Variants in ZNF611 observed in about 807,000 individuals in gnomAD.
ZNF611 encodes the protein zinc finger protein 611.
ZNF611 carries 6 observed loss-of-function variants against 8.9 expected under a neutral mutation model. The ratio of observed to expected loss-of-function variants is 0.68; its 90% CI spans 0.37 to 1.34. The LOEUF is 1.34. Among genes scored for constraint, ZNF611 ranks in the 40% most tolerant of loss-of-function variants. The pLI is 0.02. For synonymous variants in ZNF611, 262 were observed against 279.7 expected, an observed-to-expected ratio of 0.94 and a Z score of 0.63; for missense variants, 874 against 841.3, an observed-to-expected ratio of 1.04 and a Z score of -0.48.
Position 52,728,717 on chromosome 19 carries a change from G to A in ZNF611, c.-20+13C>T, listed in dbSNP as rs9749577. 1.3e-5 allele frequency: 2 copies of A among 152,734 alleles called. No homozygotes were observed. The highest frequency in any genetic ancestry group is 4.8e-5 in the African/African-American group (2 of 41,404). 9.5% of individuals were successfully genotyped at this position (152,734 alleles called of 1,614,324 possible). On this transcript the variant is annotated intron_variant, in intron 3 of 5. Coordinates refer to ENST00000652185, the MANE Select transcript of ZNF611 (RefSeq NM_001161499.2). The stretch of plus-strand genomic sequence containing the variant: ...CTTCCTTGTCTGTTTGAGATAGGGT[G>A]TAGCTCACTCACCCAAGCTGGAGTG...
chr19:52,706,036 T>C lies in ZNF611; in HGVS notation c.1019A>G (p.Glu340Gly), dbSNP rs4087790. ...LLIDKAIDTGENPYKCNECDK... is the reference protein window; with the variant it reads ...LLIDKAIDTGGNPYKCNECDK... ...ACATTCATTACACTTGTAAGGATTT[T>C]CTCCAGTATCAATTGCCTTATCAAT... Residue 340 changes from glutamate to glycine, a missense_variant, in exon 6 of 6, where the codon GAA (glutamate) becomes GGA (glycine). Physicochemically the swap from Glu to Gly is moderately conservative, Grantham distance 98 (BLOSUM62 -2). Coordinates refer to ENST00000652185, the MANE Select transcript of ZNF611 (RefSeq NM_001161499.2). 1,472 of 1,614,162 alleles carry C rather than the reference T, an allele frequency of 9.1e-4. 14 individuals carry two copies. The African/African-American group carries it at 0.017, about 19-fold the overall frequency.
intron 5 of ZNF611, among the ~76,000 whole-genome samples, chr19:52,709,585 G>A (rs935743855): frequency 3.4e-5 from 5 of 145,070 alleles, no homozygotes; most frequent in African/African-American, 1.0e-4. Flanking sequence ...ATTTATTTTT[G>A]AGACAGAATT....
chr19:52,731,561 G>A (rs912319800), intron 1 of ZNF611, among the ~76,000 whole-genome samples: 1 of 151,740 alleles, frequency 6.6e-6, no homozygotes, highest in Non-Finnish European at 1.5e-5. Context: ...TAGAGATGGG[G>A]TTTCACTCTG....
chr19:52,704,814 G>C lies in ZNF611; in HGVS notation c.*123C>G. ...TGTGAAGTCCAGTATGTTGTTCCAG[G>C]TGTGAATCACTCCCAAGTCTTGTCA... On this transcript the variant is annotated 3_prime_UTR_variant, in exon 6 of 6. Transcript: ENST00000652185. The C allele has an allele frequency of 2.5e-6, 4 of 1,598,438 alleles. No individual in the cohort carries two copies. Among genetic ancestry groups the C allele is most frequent in the Non-Finnish European group, 3.4e-6 (4 of 1,166,626 alleles).
At chr19:52,734,414 G>A (rs1162809304) in intron 1 of ZNF611, among the ~76,000 whole-genome samples, 1 of 152,094 alleles carries the variant, frequency 6.6e-6, no homozygotes, top group Non-Finnish European at 1.5e-5. Flanking sequence ...CCGCAGGCAA[G>A]AATACCCCGT....
At chr19:52,734,291 T>G (rs1212820267) in intron 1 of ZNF611, among the ~76,000 whole-genome samples, 1 of 151,816 alleles carries the variant, frequency 6.6e-6, no homozygotes, top group Non-Finnish European at 1.5e-5. Flanking sequence ...TTTCTCTGCC[T>G]CAGGTTTTCT....
chr19:52,730,027 T>A lies in ZNF611; in HGVS notation c.-221-22A>T, dbSNP rs552331025. Reference sequence around the variant, plus strand: ...TCAACTGTGCAAAAAATATAGAAAGTGTACTGGGAAAATTTATCAACTGAG... The same window carrying A: ...TCAACTGTGCAAAAAATATAGAAAGAGTACTGGGAAAATTTATCAACTGAG... On this transcript the variant is annotated intron_variant, in intron 1 of 5. Coordinates refer to ENST00000652185, the MANE Select transcript of ZNF611 (RefSeq NM_001161499.2). 3.9e-5 allele frequency: 6 copies of A among 152,096 alleles called. No individual in the cohort carries two copies. In the East Asian group the frequency reaches 1.2e-3, roughly 29 times the overall value. The allele number at this position is 152,096 out of a possible 1,614,324, so 9.4% of individuals were successfully genotyped here.
chr19:52,733,423 C>A (rs939522222), intron 1 of ZNF611, among the ~76,000 whole-genome samples: 1 of 152,130 alleles, frequency 6.6e-6, no homozygotes, highest in African/African-American at 2.4e-5. Flanking sequence ...AGCTTGGCCA[C>A]CAGAGCAGCT....
intron 3 of ZNF611, among the ~76,000 whole-genome samples, chr19:52,719,473 A>G: frequency 6.6e-6 from 1 of 152,144 alleles, no homozygotes; most frequent in East Asian, 1.9e-4. Context: ...TATAAAATGC[A>G]CCACACTTAG....
chr19:52,726,443 C>T (rs2147444780), intron 3 of ZNF611, among the ~76,000 whole-genome samples: 1 of 152,092 alleles, frequency 6.6e-6, no homozygotes, highest in South Asian at 2.1e-4. Flanking sequence ...TTTTTTGAGA[C>T]GGAGTCTTGC....
Position 52,715,822 on chromosome 19 carries a change from A to G in ZNF611, c.63+10T>C. 6.2e-7 allele frequency: 1 copy of G among 1,611,050 alleles called. No individual in the cohort carries two copies. The highest frequency in any genetic ancestry group is 8.5e-7 in the Non-Finnish European group (1 of 1,179,774). Reference sequence around the variant, plus strand: ...GACACAGATTAATCCACAGAGGAATATCACTTCACCTGAGGAAGAGCCATG... The same window carrying G: ...GACACAGATTAATCCACAGAGGAATGTCACTTCACCTGAGGAAGAGCCATG... On this transcript the variant is annotated intron_variant, in intron 4 of 5. Transcript: ENST00000652185.
In ZNF611 at chr19:52,715,881, TC is replaced by T. The variant is rs1482259760; in HGVS notation, c.13del (p.Glu5LysfsTer20). The T allele has an allele frequency of 6.2e-7, 1 of 1,613,494 alleles. No individual in the cohort carries two copies. The highest frequency in any genetic ancestry group is 8.5e-7 in the Non-Finnish European group (1 of 1,179,818). Reference sequence around the variant, plus strand: ...CTTTCCTTTCCTCTTCTGAGCTGCTTCCTCACGTAACATGAGTCTTTAGGAA... The same window carrying T: ...CTTTCCTTTCCTCTTCTGAGCTGCTTCTCACGTAACATGAGTCTTTAGGAA... MLRE[E>X]AAQKRKGKEP... On this transcript the variant is annotated frameshift_variant, in exon 4 of 6. Transcript: ENST00000652185. LOFTEE classifies it high-confidence loss of function.
intron 3 of ZNF611, chr19:52,716,211 C>T (rs903257033): frequency 1.4e-5 from 4 of 282,454 alleles, no homozygotes; most frequent in Middle Eastern, 1.1e-3. Context: ...CAATTGCCAT[C>T]CAGAGGACAG....
rs112202146 is a variant in ZNF611, at chr19:52,720,687, G to A, written c.-19-4774C>T. ...GACGGGGCGGCTGCTGGGCAGAGGC[G>A]CTCCCCACCTCCCAGATGGCGTGGC... is the stretch of plus-strand genomic sequence containing the variant. On this transcript the variant is annotated intron_variant, in intron 3 of 5. Coordinates refer to ENST00000652185, the MANE Select transcript of ZNF611 (RefSeq NM_001161499.2). 7.1e-3 allele frequency among the ~76,000 whole-genome samples: 987 copies of A among 138,326 alleles called. 49 individuals are homozygous for A. The highest frequency in any genetic ancestry group is 0.028 in the African/African-American group (909 of 32,472). 90.7% of individuals were successfully genotyped at this position (138,326 alleles called of 152,430 possible).
intron 4 of ZNF611, among the ~76,000 whole-genome samples, chr19:52,715,568 C>T (rs1377256255): frequency 2.0e-5 from 3 of 152,180 alleles, no homozygotes; most frequent in Admixed American, 1.3e-4. Flanking sequence ...CTGACATCAA[C>T]GGGCTCACAC....
chr19:52,706,972 C>A, intron 5 of ZNF611, 108 bp from the exon 6 acceptor site: 1 of 1,489,320 alleles, frequency 6.7e-7, no homozygotes, highest in Non-Finnish European at 9.0e-7. Context: ...ACTTCCCAAA[C>A]ATCATCTTCA....
chr19:52,722,363 T>A (rs886300999), intron 3 of ZNF611, among the ~76,000 whole-genome samples: 6 of 152,052 alleles, frequency 3.9e-5, no homozygotes, highest in Non-Finnish European at 8.8e-5. Flanking sequence ...GCCTGGGCAA[T>A]AGGGCCAGAC....
At position 52,705,697 on chromosome 19, in the gene ZNF611, G is replaced by A. The variant is rs376566493; in HGVS notation, c.1358C>T (p.Ser453Phe). The change falls in exon 6 of 6, where the codon TCT (serine) becomes TTT (phenylalanine). Residue 453 changes from serine to phenylalanine, a missense_variant. By Grantham distance (155) the Ser-to-Phe change is radical. Coordinates refer to ENST00000652185, the MANE Select transcript of ZNF611 (RefSeq NM_001161499.2). ...CTTGTCACAAACCTTACATTTGTAA[G>A]ATTTCTCTCCACCATGAAGTCTATG... ...CHHRLHGGEKSYKCKVCDKAF... is the reference protein window; with the variant it reads ...CHHRLHGGEKFYKCKVCDKAF... 2.5e-6 allele frequency: 4 copies of A among 1,613,952 alleles called. No individual in the cohort carries two copies. The South Asian group carries it at 4.4e-5, about 18-fold the overall frequency.
intron 3 of ZNF611, among the ~76,000 whole-genome samples, chr19:52,716,541 C>T (rs959053529): frequency 6.6e-6 from 1 of 152,092 alleles, no homozygotes; most frequent in Non-Finnish European, 1.5e-5. Context: ...ATGACAAAGG[C>T]ACAAAAATAA....
Sources: allele counts gnomAD v4.1 joint callset (sites outside exome capture counted in the v4.1 genomes callset), GRCh38; gene constraint gnomAD v4.1.1; transcripts MANE v1.5; gene names NCBI Gene and HGNC (gene_info 2026-07-23, HGNC 2026-07-21).